DGKB: variants seen among roughly 807,000 people sequenced by gnomAD.
DGKB encodes the protein 90 kDa diacylglycerol kinase.
In DGKB, 67 loss-of-function variants were observed where a neutral mutation model predicts 114.3. The observed-to-expected ratio is 0.59, with a 90% CI of 0.48 to 0.72. DGKB has a LOEUF of 0.72. Among genes scored for constraint, DGKB ranks in the 30% least tolerant of loss-of-function variants. The probability of loss-of-function intolerance (pLI) is 0.00; values close to 1 mark genes in which losing one functional copy is unlikely to be tolerated. For synonymous variants in DGKB, 398 were observed against 323.1 expected (o/e 1.23, Z -2.49); for missense variants, 907 against 975.2 (o/e 0.93, Z 0.93).
At chr7:14,745,624 A>T (rs1405031315) in intron 4 of DGKB, among the ~76,000 whole-genome samples, 1 of 152,134 alleles carries the variant, frequency 6.6e-6, no homozygotes, top group African/African-American at 2.4e-5. Flanking sequence ...CACTGGAATG[A>T]TTGGGCAGAG....
intron 21 of DGKB, among the ~76,000 whole-genome samples, chr7:14,466,426 T>C (rs1352084051): frequency 6.6e-6 from 1 of 152,138 alleles, no homozygotes; most frequent in Non-Finnish European, 1.5e-5. Context: ...AAGTCGATTT[T>C]AGTACCAGCA....
In DGKB at chr7:14,400,591, T is replaced by A. The variant is rs554380547; in HGVS notation, c.1836-55200A>T. ...TGCTTTTCAGCGTACATTCAAACTT[T>A]TTTTTATTTCCAGTATTTAATGGAG... On this transcript the variant is annotated intron_variant, in intron 21 of 25. Transcript: ENST00000402815. 1.4e-4 allele frequency among the ~76,000 whole-genome samples: 21 copies of A among 151,874 alleles called. No individual in the cohort carries two copies. In the East Asian group the frequency reaches 4.1e-3, roughly 29 times the overall value.
intron 25 of DGKB, among the ~76,000 whole-genome samples, chr7:14,154,726 T>C (rs867949416): frequency 1.3e-5 from 2 of 150,906 alleles, no homozygotes; most frequent in Admixed American, 6.6e-5. Context: ...TTTCCAGATA[T>C]GGAGTAAATA....
chr7:14,697,709 A>AGG (rs1298289525), intron 8 of DGKB, among the ~76,000 whole-genome samples: 26 of 145,772 alleles, frequency 1.8e-4, no homozygotes, highest in African/African-American at 6.8e-4. Context: ...GAAGGAAGGA[A>AGG]AGAAAGAAAA....
At chr7:14,950,106 A>G (rs78223066) in intron 1 of DGKB, among the ~76,000 whole-genome samples, 2 of 99,122 alleles carry the variant, frequency 2.0e-5, no homozygotes, top group Admixed American at 1.9e-4. Flanking sequence ...GTATAATAAT[A>G]AAAAAAAAGA....
At chr7:14,826,575 G>C (rs376550149) in intron 2 of DGKB, among the ~76,000 whole-genome samples, 9 of 152,160 alleles carry the variant, frequency 5.9e-5, no homozygotes, top group African/African-American at 2.2e-4. Flanking sequence ...AATATATCAA[G>C]AGCCAGTATA....
At chr7:14,582,976 C>A (rs960808375) in intron 18 of DGKB, 76 bp downstream of exon 18, 9 of 923,150 alleles carry the variant, frequency 9.7e-6, no homozygotes, top group Admixed American at 7.4e-5. Flanking sequence ...ATGATACAAG[C>A]AATAGACACA....
At chr7:14,569,211 A>C (rs1798019944) in intron 20 of DGKB, among the ~76,000 whole-genome samples, 1 of 152,152 alleles carries the variant, frequency 6.6e-6, no homozygotes, top group African/African-American at 2.4e-5. Context: ...GGCAGGAATA[A>C]ATCTTTCAGG....
At chr7:14,727,920 A>AT in intron 5 of DGKB, among the ~76,000 whole-genome samples, 1 of 152,344 alleles carries the variant, frequency 6.6e-6, no homozygotes, top group South Asian at 2.1e-4. Context: ...CAGTAAGTCT[A>AT]TTTGGTGAAA....
At chr7:14,572,946 A>C (rs1798609991) in intron 20 of DGKB, among the ~76,000 whole-genome samples, 1 of 152,054 alleles carries the variant, frequency 6.6e-6, no homozygotes, top group South Asian at 2.1e-4. Context: ...CAAATCTTAG[A>C]GGCAGAAAGC....
intron 20 of DGKB, among the ~76,000 whole-genome samples, chr7:14,564,422 G>C (rs1385447196): frequency 6.6e-6 from 1 of 152,098 alleles, no homozygotes; most frequent in Non-Finnish European, 1.5e-5. Flanking sequence ...ACTTAAATGA[G>C]TCTGGTTTTG....
intron 6 of DGKB, among the ~76,000 whole-genome samples, chr7:14,709,188 T>G (rs2128328859): frequency 6.6e-6 from 1 of 152,258 alleles, no homozygotes; most frequent in Admixed American, 6.5e-5. Flanking sequence ...AAGAAGACAT[T>G]TATGCAGCCA....
intron 13 of DGKB, among the ~76,000 whole-genome samples, chr7:14,633,550 G>C (rs1239414800): frequency 6.6e-6 from 1 of 151,840 alleles, no homozygotes; most frequent in Non-Finnish European, 1.5e-5. Flanking sequence ...AAGAAAAGTA[G>C]AAACTTATTA....
intron 12 of DGKB, among the ~76,000 whole-genome samples, chr7:14,675,582 G>C (rs111439017): frequency 6.6e-6 from 1 of 151,692 alleles, no homozygotes; most frequent in South Asian, 2.1e-4. Flanking sequence ...TTGATTCCAT[G>C]AAATTCTGGT....
At chr7:14,533,908 C>A (rs866428229) in intron 20 of DGKB, among the ~76,000 whole-genome samples, 1 of 151,846 alleles carries the variant, frequency 6.6e-6, no homozygotes, top group South Asian at 2.1e-4. Context: ...GCAAGAAGTA[C>A]TAAGGAAGTT....
At chr7:14,313,609 C>CT (rs1220940841) in intron 23 of DGKB, among the ~76,000 whole-genome samples, 1 of 152,176 alleles carries the variant, frequency 6.6e-6, no homozygotes, top group Non-Finnish European at 1.5e-5. Context: ...AGATTATATC[C>CT]GCACCTGGCT....
intron 1 of DGKB, among the ~76,000 whole-genome samples, chr7:14,941,769 T>C (rs141079819): frequency 6.6e-6 from 1 of 152,162 alleles, no homozygotes; most frequent in African/African-American, 2.4e-5. Context: ...CAGGTTTGAA[T>C]ATAATGGAAA....
chr7:14,662,342 G>T (rs956979235), intron 13 of DGKB, among the ~76,000 whole-genome samples: 2 of 151,758 alleles, frequency 1.3e-5, no homozygotes, highest in African/African-American at 4.8e-5. Context: ...TCTATTCTAA[G>T]ACAAATGTTC....
At chr7:14,724,832 A>T (rs573064329) in intron 5 of DGKB, among the ~76,000 whole-genome samples, 2 of 152,194 alleles carry the variant, frequency 1.3e-5, no homozygotes, top group Non-Finnish European at 1.5e-5. Context: ...ACTCTTTTTA[A>T]AAGCAGTAAA....
Sources: allele counts gnomAD v4.1 joint callset (sites outside exome capture counted in the v4.1 genomes callset), GRCh38; gene constraint gnomAD v4.1.1; transcripts MANE v1.5; gene names NCBI Gene and HGNC (gene_info 2026-07-23, HGNC 2026-07-21).